Variants in JMJD1C observed in about 807,000 individuals in gnomAD.
JMJD1C encodes the protein jumonji domain containing 1C, also known as jumonji domain-containing protein 1C.
Under a neutral mutation model 245.3 loss-of-function variants are expected in JMJD1C, and 31 were observed. That is an observed-to-expected ratio of 0.13 (90% CI 0.09 to 0.17). JMJD1C has a LOEUF of 0.17. JMJD1C is among the 10% of genes least tolerant of loss of function. The pLI is 1.00. For missense variants in JMJD1C, 2,691 were observed against 3,000.2 expected, an observed-to-expected ratio of 0.90 and a Z score of 2.41; for synonymous variants, 1,057 against 1,017.4, an observed-to-expected ratio of 1.04 and a Z score of -0.74.
intron 3 of JMJD1C, among the ~76,000 whole-genome samples, chr10:63,247,735 A>AG (rs567582221): frequency 2.6e-5 from 4 of 151,412 alleles, no homozygotes; most frequent in African/African-American, 9.7e-5. Flanking sequence ...AAAAAAAAAA[A>AG]AAAGAAACAA....
intron 24 of JMJD1C, among the ~76,000 whole-genome samples, chr10:63,172,156 T>C (rs1342952062): frequency 6.6e-6 from 1 of 152,242 alleles, no homozygotes; most frequent in African/African-American, 2.4e-5. Context: ...GCTCAGAATA[T>C]AATTTGTCAG....
intron 2 of JMJD1C, among the ~76,000 whole-genome samples, chr10:63,306,206 C>G (rs1469663135): frequency 6.6e-6 from 1 of 152,128 alleles, no homozygotes; most frequent in Non-Finnish European, 1.5e-5. Context: ...TCTCCTGCCT[C>G]AGCCTCCAGT....
chr10:63,280,075 C>T (rs1172889789), intron 2 of JMJD1C, among the ~76,000 whole-genome samples: 4 of 151,858 alleles, frequency 2.6e-5, no homozygotes, highest in Admixed American at 1.3e-4. Context: ...CACTTGAACC[C>T]GGGAGGCAGA....
intron 1 of JMJD1C, among the ~76,000 whole-genome samples, chr10:63,488,359 A>G (rs1305574039): frequency 6.6e-6 from 1 of 152,238 alleles, no homozygotes; most frequent in Admixed American, 6.5e-5. Context: ...TTAAAATATC[A>G]ATGTTCTAAA....
At chr10:63,316,069 G>T (rs896181243) in intron 2 of JMJD1C, among the ~76,000 whole-genome samples, 1 of 152,106 alleles carries the variant, frequency 6.6e-6, no homozygotes, top group Non-Finnish European at 1.5e-5. Context: ...CTACTTGGGA[G>T]GGTAATGTGG....
intron 3 of JMJD1C, among the ~76,000 whole-genome samples, chr10:63,237,153 T>C (rs188252070): frequency 2.0e-4 from 30 of 152,270 alleles, no homozygotes; most frequent in Middle Eastern, 3.4e-3. Flanking sequence ...TTCTCCTGCC[T>C]CAGCCTCCCG....
chr10:63,245,937 A>T (rs1049644111), intron 3 of JMJD1C, among the ~76,000 whole-genome samples: 1 of 152,218 alleles, frequency 6.6e-6, no homozygotes, highest in Non-Finnish European at 1.5e-5. Context: ...TTGGGTGGGG[A>T]CACATGCAAA....
chr10:63,518,469 G>GT (rs1220573455), intron 1 of JMJD1C, among the ~76,000 whole-genome samples: 1 of 152,190 alleles, frequency 6.6e-6, no homozygotes, highest in Non-Finnish European at 1.5e-5. Flanking sequence ...AAGACTTAAA[G>GT]AAGTAACTAG....
chr10:63,395,784 T>C (rs915595832), intron 1 of JMJD1C, among the ~76,000 whole-genome samples: 1 of 152,122 alleles, frequency 6.6e-6, no homozygotes, highest in Admixed American at 6.5e-5. Flanking sequence ...ACTGTTGATA[T>C]ATGCAACAAT....
chr10:63,372,454 G>A (rs188461091), intron 2 of JMJD1C, among the ~76,000 whole-genome samples: 2 of 152,272 alleles, frequency 1.3e-5, no homozygotes, highest in East Asian at 1.9e-4. Context: ...TGTACCTGAT[G>A]AGAATTGGCA....
At chr10:63,425,114 T>C (rs1272403806) in intron 1 of JMJD1C, among the ~76,000 whole-genome samples, 2 of 152,122 alleles carry the variant, frequency 1.3e-5, no homozygotes, top group Non-Finnish European at 1.5e-5. Flanking sequence ...TTCACCTTAT[T>C]TTCTGGGAAA....
At chr10:63,316,224 T>C (rs986960434) in intron 2 of JMJD1C, among the ~76,000 whole-genome samples, 2 of 152,212 alleles carry the variant, frequency 1.3e-5, no homozygotes, top group Non-Finnish European at 2.9e-5. Flanking sequence ...ACTTCAAACA[T>C]GTCATTCCAC....
chr10:63,489,803 G>A (rs989275982), intron 1 of JMJD1C, among the ~76,000 whole-genome samples: 4 of 151,984 alleles, frequency 2.6e-5, no homozygotes, highest in African/African-American at 9.7e-5. Context: ...TGAGCCACTG[G>A]GTCTGGCCCA....
At chr10:63,442,450 C>T (rs978638649) in intron 1 of JMJD1C, among the ~76,000 whole-genome samples, 18 of 152,156 alleles carry the variant, frequency 1.2e-4, no homozygotes, top group African/African-American at 4.3e-4. Context: ...AACTTATAAA[C>T]TTCTAAAAAG....
chr10:63,501,773 C>T (rs903096023), intron 1 of JMJD1C, among the ~76,000 whole-genome samples: 1 of 151,618 alleles, frequency 6.6e-6, no homozygotes. Context: ...GAGTCTCCAT[C>T]TCAAAAAAAA....
chr10:63,172,515 C>CATGG (rs1293008351), intron 24 of JMJD1C, among the ~76,000 whole-genome samples: 2 of 152,008 alleles, frequency 1.3e-5, no homozygotes, highest in Non-Finnish European at 2.9e-5. Context: ...TTATTCTAGG[C>CATGG]ATGGGAAGAG....
At chr10:63,226,350 T>C (rs1444343658) in intron 3 of JMJD1C, among the ~76,000 whole-genome samples, 2 of 152,158 alleles carry the variant, frequency 1.3e-5, no homozygotes, top group Non-Finnish European at 2.9e-5. Flanking sequence ...GCTGTTTTTT[T>C]CTAGGTTAAC....
intron 2 of JMJD1C, among the ~76,000 whole-genome samples, chr10:63,279,719 G>GT: frequency 6.6e-6 from 1 of 152,320 alleles, no homozygotes; most frequent in African/African-American, 2.4e-5. Context: ...TTGTGCCACT[G>GT]TACTACAGTC....
chr10:63,490,999 G>A (rs1382462901), intron 1 of JMJD1C, among the ~76,000 whole-genome samples: 1 of 152,186 alleles, frequency 6.6e-6, no homozygotes, highest in African/African-American at 2.4e-5. Context: ...ACAACTCTAT[G>A]TGCTAAGTAC....
Sources: allele counts gnomAD v4.1 joint callset (sites outside exome capture counted in the v4.1 genomes callset), GRCh38; gene constraint gnomAD v4.1.1; transcripts MANE v1.5; gene names NCBI Gene and HGNC (gene_info 2026-07-23, HGNC 2026-07-21).